The following CHSY3 variants were observed in gnomAD, a reference collection of about 807,000 sequenced individuals.
CHSY3 encodes the protein N-acetylgalactosaminyl-proteoglycan 3-beta-glucuronosyltransferase 3.
In CHSY3, 35 loss-of-function variants were observed where a neutral mutation model predicts 67.2. The ratio of observed to expected loss-of-function variants is 0.52; its 90% CI spans 0.40 to 0.69. CHSY3 has a LOEUF of 0.69. Among genes scored for constraint, CHSY3 ranks in the 30% least tolerant of loss-of-function variants. The probability of loss-of-function intolerance (pLI) is 0.00; values close to 1 mark genes in which losing one functional copy is unlikely to be tolerated. For missense variants in CHSY3, 1,069 were observed against 1,138.5 expected (o/e 0.94, Z 0.88); for synonymous variants, 474 against 434.7 (o/e 1.09, Z -1.12).
chr5:129,988,726 T>C (rs1468959924), intron 2 of CHSY3, among the ~76,000 whole-genome samples: 2 of 152,208 alleles, frequency 1.3e-5, no homozygotes, highest in East Asian at 1.9e-4. Context: ...GTCAAAGATA[T>C]AATCATGTGA....
At chr5:130,160,927 C>T (rs1769521957) in intron 2 of CHSY3, among the ~76,000 whole-genome samples, 5 of 142,660 alleles carry the variant, frequency 3.5e-5, no homozygotes, top group East Asian at 4.2e-4. Context: ...TTTTTTGAGA[C>T]GGAGTCTCAC....
At chr5:130,158,849 G>T (rs988693377) in intron 2 of CHSY3, among the ~76,000 whole-genome samples, 2 of 152,092 alleles carry the variant, frequency 1.3e-5, no homozygotes, top group Non-Finnish European at 2.9e-5. Flanking sequence ...GGCCAAGCTG[G>T]AGTGCAGTGC....
intron 2 of CHSY3, chr5:130,001,625 C>A: frequency 1.2e-6 from 1 of 860,344 alleles, no homozygotes; most frequent in Non-Finnish European, 1.4e-6. Flanking sequence ...TGTGTTGTTG[C>A]TTCTAGTTAA....
Position 130,181,970 on chromosome 5 carries a change from T to C in CHSY3, c.1087-2259T>C, listed in dbSNP as rs1325839588. On this transcript the variant is annotated intron_variant, in intron 2 of 2. Transcript: ENST00000305031. ...ATGAATAATGCAGCTACGAAAATTA[T>C]TCTATATATATTTAGGTGTATGTAT... 2.1e-5 allele frequency among the ~76,000 whole-genome samples: 3 copies of C among 144,160 alleles called. 1 individual carries two copies. Among genetic ancestry groups the C allele is most frequent in the Middle Eastern group, 6.9e-3 (2 of 288 alleles). 94.6% of individuals were successfully genotyped at this position (144,160 alleles called of 152,430 possible).
chr5:130,145,457 T>A (rs1015463893), intron 2 of CHSY3, among the ~76,000 whole-genome samples: 1 of 152,128 alleles, frequency 6.6e-6, no homozygotes, highest in Non-Finnish European at 1.5e-5. Context: ...AATTCTAGAC[T>A]TTAAGGAGAA....
chr5:130,032,804 G>A (rs1226663450), intron 2 of CHSY3, among the ~76,000 whole-genome samples: 1 of 152,182 alleles, frequency 6.6e-6, no homozygotes, highest in East Asian at 1.9e-4. Context: ...GAAGATTCAT[G>A]TGAGATTTAA....
chr5:130,122,250 TTTG>T (rs1438938540), intron 2 of CHSY3, among the ~76,000 whole-genome samples: 1 of 152,164 alleles, frequency 6.6e-6, no homozygotes, highest in Non-Finnish European at 1.5e-5. Flanking sequence ...TGTTCCTATA[TTTG>T]TTGTTTTCCT....
chr5:130,173,867 AG>A (rs1769967960), intron 2 of CHSY3, among the ~76,000 whole-genome samples: 1 of 151,900 alleles, frequency 6.6e-6, no homozygotes, highest in Non-Finnish European at 1.5e-5. Context: ...TTACCAGAGA[AG>A]TAGGGCACAT....
intron 2 of CHSY3, among the ~76,000 whole-genome samples, chr5:129,984,867 G>T (rs561487750): frequency 1.3e-5 from 2 of 152,156 alleles, no homozygotes; most frequent in South Asian, 4.1e-4. Flanking sequence ...TTATAAAGTG[G>T]TTGTTTGTTT....
chr5:130,073,705 T>C (rs1766162059), intron 2 of CHSY3, among the ~76,000 whole-genome samples: 1 of 152,122 alleles, frequency 6.6e-6, no homozygotes, highest in South Asian at 2.1e-4. Flanking sequence ...TTTTCAAAAA[T>C]AAAAATGTCA....
intron 2 of CHSY3, among the ~76,000 whole-genome samples, chr5:130,036,926 A>G (rs891886787): frequency 1.3e-5 from 2 of 152,148 alleles, no homozygotes; most frequent in Admixed American, 1.3e-4. Flanking sequence ...TTCCATGCTA[A>G]GTAGACTGAA....
At chr5:129,928,169 G>T (rs1761178048) in intron 2 of CHSY3, among the ~76,000 whole-genome samples, 2 of 151,568 alleles carry the variant, frequency 1.3e-5, no homozygotes, top group African/African-American at 4.8e-5. Context: ...GTATTCATTT[G>T]TTATCTTTCC....
rs1180462327 is a variant in CHSY3 at position 130,035,886 on chromosome 5, G to GTTTTT, written c.1086+127548_1086+127552dup. 4.1e-3 allele frequency among the ~76,000 whole-genome samples: 267 copies of GTTTTT among 65,550 alleles called. 12 individuals are homozygous for GTTTTT. The highest frequency in any genetic ancestry group is 0.014 in the African/African-American group (237 of 16,656). The allele number at this position is 65,550 out of a possible 152,430, so 43.0% of individuals were successfully genotyped here. A position where few individuals can be genotyped will look rare whatever the true frequency, so the allele number is the denominator to read the frequency against. On this transcript the variant is annotated intron_variant, in intron 2 of 2. Transcript: ENST00000305031. ...CCCAAGTCTGGTCATTCATTTGGTT[G>GTTTTT]TTTTTTTTTTTTTTTTTTTTTTTTT...
chr5:130,174,574 G>T, intron 2 of CHSY3, among the ~76,000 whole-genome samples: 1 of 151,984 alleles, frequency 6.6e-6, no homozygotes, highest in Non-Finnish European at 1.5e-5. Context: ...GCATTTTCAT[G>T]TACTCATTTA....
At chr5:129,926,314 C>T (rs963384572) in intron 2 of CHSY3, among the ~76,000 whole-genome samples, 1 of 151,884 alleles carries the variant, frequency 6.6e-6, no homozygotes, top group Non-Finnish European at 1.5e-5. Flanking sequence ...ATAAAGTTTC[C>T]ATCTGAAATG....
intron 2 of CHSY3, among the ~76,000 whole-genome samples, chr5:130,125,188 C>G (rs1210491761): frequency 1.3e-5 from 2 of 152,198 alleles, no homozygotes; most frequent in African/African-American, 4.8e-5. Flanking sequence ...AGACACTGTC[C>G]TGCAACCATG....
intron 2 of CHSY3, chr5:130,140,564 C>T: frequency 1.8e-6 from 1 of 560,704 alleles, no homozygotes; most frequent in South Asian, 2.7e-5. Context: ...GCTGCTGCTA[C>T]TGCTTATAGA....
rs1760460942 is a variant in CHSY3, at chr5:129,909,611, G to A, written c.1086+1251G>A. 2.6e-5 allele frequency among the ~76,000 whole-genome samples: 4 copies of A among 152,034 alleles called. 1 individual carries two copies. The highest frequency in any genetic ancestry group is 5.9e-5 in the Non-Finnish European group (4 of 67,834). On this transcript the variant is annotated intron_variant, in intron 2 of 2. Transcript: ENST00000305031. ...TCTTTTGATAATAAAATGGTAATTT[G>A]TAAAAACTATCCTACAACTACCCTT...
At chr5:129,941,941 A>G (rs1050364317) in intron 2 of CHSY3, among the ~76,000 whole-genome samples, 1 of 152,168 alleles carries the variant, frequency 6.6e-6, no homozygotes, top group African/African-American at 2.4e-5. Context: ...AGGGAAATGT[A>G]TTTAGTGGTT....
Sources: allele counts gnomAD v4.1 joint callset (sites outside exome capture counted in the v4.1 genomes callset), GRCh38; gene constraint gnomAD v4.1.1; transcripts MANE v1.5; gene names NCBI Gene and HGNC (gene_info 2026-07-23, HGNC 2026-07-21).